SEL1L3: variants seen among roughly 807,000 people sequenced by gnomAD.
SEL1L3 encodes the protein SEL1L family member 3, also known as protein sel-1 homolog 3.
A neutral mutation model predicts 142.8 loss-of-function variants in SEL1L3; 76 were observed. The observed-to-expected ratio is 0.53, with a 90% CI of 0.44 to 0.64. The LOEUF is 0.64. Among genes scored for constraint, SEL1L3 ranks in the 30% least tolerant of loss-of-function variants. The pLI, the probability that SEL1L3 is intolerant of heterozygous loss-of-function variation, is 0.00. For synonymous variants in SEL1L3, 504 were observed against 519.6 expected, an observed-to-expected ratio of 0.97 and a Z score of 0.41; for missense variants, 1,262 against 1,381.7, an observed-to-expected ratio of 0.91 and a Z score of 1.37.
chr4:25,834,818 A>G (rs1282125171), intron 3 of SEL1L3, among the ~76,000 whole-genome samples: 2 of 152,164 alleles, frequency 1.3e-5, no homozygotes, highest in Admixed American at 6.5e-5. Context: ...AATGGAGGAG[A>G]TCAGAAGTTG....
At chr4:25,769,538 T>TACAG (rs1491248796) in intron 17 of SEL1L3, among the ~76,000 whole-genome samples, 1 of 152,162 alleles carries the variant, frequency 6.6e-6, no homozygotes, top group Non-Finnish European at 1.5e-5. Flanking sequence ...CTGCAAAATC[T>TACAG]ATGTTTGGCT....
chr4:25,749,619 T>C (rs980492051), intron 23 of SEL1L3, among the ~76,000 whole-genome samples: 10 of 152,202 alleles, frequency 6.6e-5, no homozygotes, highest in African/African-American at 2.2e-4. Flanking sequence ...AATTTTATTA[T>C]TGGACTAGAA....
intron 23 of SEL1L3, among the ~76,000 whole-genome samples, chr4:25,754,373 G>A (rs527905735): frequency 6.8e-6 from 1 of 147,488 alleles, no homozygotes; most frequent in South Asian, 2.2e-4. Flanking sequence ...TTTTGACACA[G>A]GGTCTCACTC....
the SEL1L3 span, among the ~76,000 whole-genome samples, chr4:25,728,875 A>G: frequency 1.3e-5 from 2 of 151,908 alleles, no homozygotes; most frequent in Admixed American, 6.6e-5. Flanking sequence ...AAAAAAAAAA[A>G]AAAGAAAAGT....
intron 1 of SEL1L3, chr4:25,860,638 T>C (rs1717638689): frequency 1.3e-5 from 2 of 152,124 alleles, no homozygotes; most frequent in Non-Finnish European, 2.9e-5. Flanking sequence ...GCAAAATGGC[T>C]CTCTTGTTTA....
the SEL1L3 span, among the ~76,000 whole-genome samples, chr4:25,738,891 A>T: frequency 6.6e-6 from 1 of 152,114 alleles, no homozygotes; most frequent in African/African-American, 2.4e-5. Flanking sequence ...GGCTCCCTCT[A>T]CCACAGGAGA....
At chr4:25,741,681 G>A in the SEL1L3 span, among the ~76,000 whole-genome samples, 1 of 152,164 alleles carries the variant, frequency 6.6e-6, no homozygotes, top group Non-Finnish European at 1.5e-5. Flanking sequence ...AACTTTGACA[G>A]TGGTGTTCTT....
At chr4:25,801,100 G>T (rs557184707) in intron 11 of SEL1L3, among the ~76,000 whole-genome samples, 1 of 152,214 alleles carries the variant, frequency 6.6e-6, no homozygotes, top group African/African-American at 2.4e-5. Flanking sequence ...CTAAGCAGGG[G>T]CAAATCAAGT....
chr4:25,789,584 CAAAAAA>C lies in SEL1L3; in HGVS notation c.2076+865_2076+870del, dbSNP rs55852462. 1.3e-3 allele frequency among the ~76,000 whole-genome samples: 157 copies of C among 124,750 alleles called. 1 individual carries two copies. The highest frequency in any genetic ancestry group is 2.7e-3 in the African/African-American group (93 of 34,924). The allele number at this position is 124,750 out of a possible 152,430, so 81.8% of individuals were successfully genotyped here. A position where few individuals can be genotyped will look rare whatever the true frequency, so the allele number is the denominator to read the frequency against. Reference sequence around the variant, plus strand: ...TGCCCAACAGAGTGAGACCCTGAATCAAAAAAAAAAAAAAAAAAAAGCCCCTGTACT... The same window carrying C: ...TGCCCAACAGAGTGAGACCCTGAATCAAAAAAAAAAAAAAGCCCCTGTACT... On this transcript the variant is annotated intron_variant, in intron 12 of 23. Coordinates refer to ENST00000399878, the MANE Select transcript of SEL1L3 (RefSeq NM_015187.5).
At chr4:25,805,486 C>A (rs939868621) in intron 9 of SEL1L3, among the ~76,000 whole-genome samples, 1 of 152,212 alleles carries the variant, frequency 6.6e-6, no homozygotes, top group African/African-American at 2.4e-5. Flanking sequence ...TTCACAGTCA[C>A]CCTGATGCAC....
intron 12 of SEL1L3, 47 bp downstream of exon 12, chr4:25,790,408 T>C (rs1193592352): frequency 1.3e-6 from 2 of 1,596,066 alleles, no homozygotes; most frequent in Non-Finnish European, 1.7e-6. Flanking sequence ...TATAACCCAG[T>C]CTATCATGGC....
At chr4:25,800,812 TAGAC>T (rs918943802) in intron 11 of SEL1L3, among the ~76,000 whole-genome samples, 1 of 152,264 alleles carries the variant, frequency 6.6e-6, no homozygotes, top group Admixed American at 6.5e-5. Flanking sequence ...AATGCCTACA[TAGAC>T]AGCCTTTTGG....
At chr4:25,830,534 G>A (rs1577669656) in intron 5 of SEL1L3, among the ~76,000 whole-genome samples, 1 of 152,076 alleles carries the variant, frequency 6.6e-6, no homozygotes, top group African/African-American at 2.4e-5. Flanking sequence ...AGAGCCTTAG[G>A]GGGAAAACAA....
the SEL1L3 span, among the ~76,000 whole-genome samples, chr4:25,739,760 ATGTGTG>A: frequency 0.069 from 10,169 of 146,454 alleles, 1,037 homozygotes; most frequent in African/African-American, 0.23. Context: ...AGAAAAAATA[ATGTGTG>A]TGTGTGTGTG....
At chr4:25,773,851 T>C (rs901559645) in intron 17 of SEL1L3, among the ~76,000 whole-genome samples, 1 of 152,226 alleles carries the variant, frequency 6.6e-6, no homozygotes, top group African/African-American at 2.4e-5. Context: ...CCATAAATGC[T>C]GTTCCCTGCC....
intron 21 of SEL1L3, 21 bp from the exon 22 acceptor site, chr4:25,757,811 A>G (rs1718097153): frequency 6.5e-7 from 1 of 1,547,472 alleles, no homozygotes; most frequent in African/African-American, 1.4e-5. Context: ...AGCCCAGGGC[A>G]TCTTGACGTG....
At chr4:25,792,270 A>G (rs998134896) in intron 11 of SEL1L3, among the ~76,000 whole-genome samples, 1 of 152,154 alleles carries the variant, frequency 6.6e-6, no homozygotes, top group Non-Finnish European at 1.5e-5. Flanking sequence ...CCCAGTTTAC[A>G]GGCCAAGAAA....
At chr4:25,747,071 C>CT (rs1222628692), downstream of SEL1L3, among the ~76,000 whole-genome samples, 2 of 152,084 alleles carry the variant, frequency 1.3e-5, no homozygotes, top group Non-Finnish European at 2.9e-5. Context: ...CAATCTCTGG[C>CT]TTTTTTGCAA....
At position 25,847,346 on chromosome 4, in the gene SEL1L3, A is replaced by G; in HGVS notation, c.681T>C (p.Gly227=). Residue 227 remains glycine (G), a synonymous_variant, in exon 2 of 24, where the codon GGT becomes GGC. Transcript: ENST00000399878. ...DHQVCLEWNM[G]YIWNLRANRI... ...TGTTTGCCCGAAGGTTCCAAATATAACCCATGTTCCACTCAAGGCACACTT... is the reference window on the plus strand; with the variant it reads ...TGTTTGCCCGAAGGTTCCAAATATAGCCCATGTTCCACTCAAGGCACACTT... 1 of 1,613,882 alleles carries G rather than the reference A, an allele frequency of 6.2e-7. No homozygotes were observed. The highest frequency in any genetic ancestry group is 8.5e-7 in the Non-Finnish European group (1 of 1,179,850).
Sources: gnomAD v4.1 joint callset for allele counts (sites outside exome capture counted in the v4.1 genomes callset) on GRCh38, gnomAD v4.1.1 for gene constraint, MANE v1.5 for transcripts, NCBI Gene and HGNC (gene_info 2026-07-23, HGNC 2026-07-21) for gene names.